CEP63: variants seen among roughly 807,000 people sequenced by gnomAD.
CEP63 encodes the protein centrosomal protein 63.
Under a neutral mutation model 89.1 loss-of-function variants are expected in CEP63, and 84 were observed. That is an observed-to-expected ratio of 0.94 (90% CI 0.79 to 1.13). The LOEUF (loss-of-function observed/expected upper bound fraction) is 1.13, where lower values mean the gene tolerates loss of function less well. Among genes scored for constraint, CEP63 ranks in the 50% most tolerant of loss-of-function variants. The pLI is 0.00. For missense variants in CEP63, 838 were observed against 813.3 expected, an observed-to-expected ratio of 1.03 and a Z score of -0.37; for synonymous variants, 267 against 272.5, an observed-to-expected ratio of 0.98 and a Z score of 0.20.
chr3:134,647,426 A>T, the CEP63 span: 1 of 1,600,372 alleles, frequency 6.2e-7, no homozygotes, highest in South Asian at 1.1e-5. Context: ...AAGGAAAAAG[A>T]GAATTTACCG....
the CEP63 span, among the ~76,000 whole-genome samples, chr3:134,747,911 G>A: frequency 2.0e-4 from 31 of 152,118 alleles, no homozygotes; most frequent in African/African-American, 7.2e-4. Flanking sequence ...TCAGTCTCCT[G>A]AGTAGCTGGG....
chr3:134,681,204 G>C, the CEP63 span, among the ~76,000 whole-genome samples: 1 of 152,202 alleles, frequency 6.6e-6, no homozygotes, highest in Non-Finnish European at 1.5e-5. Flanking sequence ...GGTGGAATTA[G>C]CCTTCTGTGG....
At chr3:134,536,824 T>A (rs967316166) in intron 5 of CEP63, 13 of 336,380 alleles carry the variant, frequency 3.9e-5, no homozygotes, top group African/African-American at 2.8e-4. Context: ...TTAGCATCAG[T>A]TTTCTGAAAA....
chr3:134,692,876 A>G, the CEP63 span, among the ~76,000 whole-genome samples: 1 of 152,118 alleles, frequency 6.6e-6, no homozygotes, highest in Non-Finnish European at 1.5e-5. Flanking sequence ...TACATACTTT[A>G]TTTGGGTTAG....
downstream of CEP63, among the ~76,000 whole-genome samples, chr3:134,589,047 A>T (rs1179293871): frequency 2.0e-5 from 3 of 152,204 alleles, no homozygotes; most frequent in Non-Finnish European, 4.4e-5. Context: ...TAATTTTAAA[A>T]CTGATCCTTA....
the CEP63 span, among the ~76,000 whole-genome samples, chr3:134,708,264 T>A: frequency 6.6e-6 from 1 of 152,362 alleles, no homozygotes; most frequent in Non-Finnish European, 1.5e-5. Context: ...ATTAATCTTT[T>A]ATCAGAGATT....
the CEP63 span, among the ~76,000 whole-genome samples, chr3:134,659,053 AC>A: frequency 6.6e-6 from 1 of 152,188 alleles, no homozygotes; most frequent in Non-Finnish European, 1.5e-5. Context: ...TGTGGGAAGC[AC>A]TGCTTTCCAA....
At chr3:134,742,587 G>T in the CEP63 span, among the ~76,000 whole-genome samples, 3 of 152,210 alleles carry the variant, frequency 2.0e-5, no homozygotes, top group Non-Finnish European at 4.4e-5. Context: ...TGCTGGGAAT[G>T]CAACATTCCT....
At chr3:134,693,077 A>C in the CEP63 span, among the ~76,000 whole-genome samples, 1 of 152,102 alleles carries the variant, frequency 6.6e-6, no homozygotes, top group Admixed American at 6.5e-5. Context: ...CAGAGACCCT[A>C]TTCTGTTGGG....
the CEP63 span, among the ~76,000 whole-genome samples, chr3:134,733,079 A>T: frequency 6.6e-6 from 1 of 152,204 alleles, no homozygotes; most frequent in Non-Finnish European, 1.5e-5. Flanking sequence ...CCAATCTTTT[A>T]AAATGGGTAG....
At chr3:134,771,430 GGA>G in the CEP63 span, among the ~76,000 whole-genome samples, 1 of 152,314 alleles carries the variant, frequency 6.6e-6, no homozygotes, top group South Asian at 2.1e-4. Flanking sequence ...GACACTTGGA[GGA>G]GCATCAGAAC....
chr3:134,678,435 G>C, the CEP63 span, among the ~76,000 whole-genome samples: 5 of 152,046 alleles, frequency 3.3e-5, no homozygotes, highest in African/African-American at 1.2e-4. Flanking sequence ...TCACATCTAT[G>C]CTGTGTGCTT....
the CEP63 span, among the ~76,000 whole-genome samples, chr3:134,695,264 A>T: frequency 6.6e-6 from 1 of 152,138 alleles, no homozygotes; most frequent in African/African-American, 2.4e-5. Context: ...ATCCAAGAAG[A>T]ATATTGAAGG....
the CEP63 span, among the ~76,000 whole-genome samples, chr3:134,669,402 C>T: frequency 3.9e-3 from 594 of 152,242 alleles, 1 homozygote; most frequent in Non-Finnish European, 6.4e-3. Context: ...TCATCCTCTA[C>T]CCACTCCCTC....
chr3:134,551,976 T>G lies in CEP63; in HGVS notation c.1431T>G (p.Ser477=), dbSNP rs371005332. ...TCAAATTAGAAAATCGTCATCTTTCTGAAATGGTGATGAAATTGGAATTGG... is the reference window on the plus strand; with the variant it reads ...TCAAATTAGAAAATCGTCATCTTTCGGAAATGGTGATGAAATTGGAATTGG... ...ESLKLENRHL[S]EMVMKLELGL... is the part of the protein sequence containing the mutation. Residue 477 remains serine, a synonymous_variant, in exon 12 of 15, where the codon TCT becomes TCG. Transcript: ENST00000675561. 1 of 1,607,762 alleles carries G rather than the reference T, an allele frequency of 6.2e-7. No homozygotes were observed. The highest frequency in any genetic ancestry group is 1.3e-5 in the African/African-American group (1 of 74,886).
At chr3:134,647,604 T>C in the CEP63 span, 1 of 649,594 alleles carries the variant, frequency 1.5e-6, no homozygotes, top group Non-Finnish European at 2.7e-6. Context: ...CTTGGCTCTC[T>C]TGGAATCTGA....
the CEP63 span, among the ~76,000 whole-genome samples, chr3:134,713,356 A>G: frequency 6.6e-6 from 1 of 152,104 alleles, no homozygotes; most frequent in Non-Finnish European, 1.5e-5. Flanking sequence ...GTTCCAGCCA[A>G]TGACACATGG....
chr3:134,564,832 CAG>C lies in CEP63; in HGVS notation c.*3299_*3300del. On this transcript the variant is annotated 3_prime_UTR_variant, in exon 15 of 15. Transcript: ENST00000675561. ...ACGTGTTGACTAGGAGGAACAATGACAGACTCTGTAGTCACCGGAAATACTTA... is the reference window on the plus strand; with the variant it reads ...ACGTGTTGACTAGGAGGAACAATGACACTCTGTAGTCACCGGAAATACTTA... 1.0e-6 allele frequency: 1 copy of C among 985,244 alleles called. No homozygotes were observed. Among genetic ancestry groups the C allele is most frequent in the Non-Finnish European group, 1.2e-6 (1 of 829,782 alleles). The allele number at this position is 985,244 out of a possible 1,614,324, so 61.0% of individuals were successfully genotyped here.
the CEP63 span, among the ~76,000 whole-genome samples, chr3:134,618,050 C>T: frequency 6.6e-6 from 1 of 152,198 alleles, no homozygotes; most frequent in East Asian, 1.9e-4. Context: ...TGTACCCTGA[C>T]CCACCGTGGC....
Sources: allele counts gnomAD v4.1 joint callset (sites outside exome capture counted in the v4.1 genomes callset), GRCh38; gene constraint gnomAD v4.1.1; transcripts MANE v1.5; gene names NCBI Gene and HGNC (gene_info 2026-07-23, HGNC 2026-07-21).